The following ABHD5 variants were observed in gnomAD, a reference collection of about 807,000 sequenced individuals.
ABHD5 encodes abhydrolase domain containing 5, lysophosphatidic acid acyltransferase.
Under a neutral mutation model 44.9 loss-of-function variants are expected in ABHD5, and 30 were observed. The ratio of observed to expected loss-of-function variants is 0.67; its 90% CI spans 0.50 to 0.91. ABHD5 has a LOEUF of 0.91. Ranked by LOEUF, ABHD5 falls within the 40% of genes least tolerant of loss-of-function variation. ABHD5 has a pLI of 0.00. For missense variants in ABHD5, 399 were observed against 423.4 expected (o/e 0.94, Z 0.50); for synonymous variants, 167 against 147.0 (o/e 1.14, Z -0.99).
intron 1 of ABHD5, among the ~76,000 whole-genome samples, chr3:43,697,914 G>A (rs1461439517): frequency 1.3e-5 from 2 of 152,186 alleles, no homozygotes; most frequent in African/African-American, 2.4e-5. Flanking sequence ...TAACATTTCT[G>A]AACTTCAGTT....
intron 7 of ABHD5, among the ~76,000 whole-genome samples, chr3:43,730,741 A>G (rs1363818221): frequency 6.6e-6 from 1 of 152,142 alleles, no homozygotes; most frequent in Non-Finnish European, 1.5e-5. Flanking sequence ...TCTTGGGCTC[A>G]ATGATTCTCC....
Position 43,702,319 on chromosome 3 carries a change from C to T in ABHD5, c.238C>T (p.Leu80Phe). Reference protein sequence around the residue: ...HNISNKTPLVLLHGFGGGLGL... With the variant: ...HNISNKTPLVFLHGFGGGLGL... Reference sequence around the variant, plus strand: ...TATTTCAAATAAGACTCCACTTGTCCTTCTCCATGGTTTTGGAGGAGGTCT... The same window carrying T: ...TATTTCAAATAAGACTCCACTTGTCTTTCTCCATGGTTTTGGAGGAGGTCT... Residue 80 changes from leucine (L) to phenylalanine (F), a missense_variant, in exon 3 of 7, where the codon CTT becomes TTT. Leu to Phe is a conservative substitution (Grantham distance 22). Coordinates refer to ENST00000644371, the MANE Select transcript of ABHD5 (RefSeq NM_016006.6). 1.2e-6 allele frequency: 2 copies of T among 1,611,134 alleles called. No homozygotes were observed. Among genetic ancestry groups the T allele is most frequent in the Non-Finnish European group, 1.7e-6 (2 of 1,177,492 alleles).
intron 7 of ABHD5, among the ~76,000 whole-genome samples, chr3:43,732,075 A>T (rs912217581): frequency 6.6e-6 from 1 of 151,982 alleles, no homozygotes; most frequent in African/African-American, 2.4e-5. Flanking sequence ...AGTAAAACAT[A>T]AAAAAAATTA....
At chr3:43,716,482 CT>C (rs2084764383) in intron 5 of ABHD5, among the ~76,000 whole-genome samples, 1 of 152,160 alleles carries the variant, frequency 6.6e-6, no homozygotes, top group Non-Finnish European at 1.5e-5. Flanking sequence ...TCCTCCCTCA[CT>C]TTTGGCAGAA....
chr3:43,696,031 C>G (rs932464347), intron 1 of ABHD5, among the ~76,000 whole-genome samples: 5 of 152,156 alleles, frequency 3.3e-5, no homozygotes, highest in Non-Finnish European at 7.4e-5. Flanking sequence ...GGGCTTATAT[C>G]CTTTGCCTTG....
At chr3:43,691,073 C>T (rs765331652) in intron 1 of ABHD5, 34 bp downstream of exon 1, 1 of 1,515,442 alleles carries the variant, frequency 6.6e-7, no homozygotes, top group Non-Finnish European at 8.9e-7. Flanking sequence ...TCGTGTGTCT[C>T]CGGCGCGCAC....
At chr3:43,730,094 C>G (rs1424174051) in intron 7 of ABHD5, among the ~76,000 whole-genome samples, 1 of 152,222 alleles carries the variant, frequency 6.6e-6, no homozygotes, top group Non-Finnish European at 1.5e-5. Context: ...TTATTGCATG[C>G]TTTGAGCTTT....
chr3:43,699,843 T>C (rs2084518011), intron 2 of ABHD5: 1 of 164,950 alleles, frequency 6.1e-6, no homozygotes, highest in Admixed American at 5.8e-5. Context: ...GCTTTCAGTC[T>C]GATGGGTAAT....
At chr3:43,704,576 T>A (rs561159766) in intron 3 of ABHD5, among the ~76,000 whole-genome samples, 1 of 152,190 alleles carries the variant, frequency 6.6e-6, no homozygotes, top group African/African-American at 2.4e-5. Context: ...AAACCCTAAG[T>A]CTTAGAATCC....
chr3:43,731,363 T>A (rs971893839), intron 7 of ABHD5, among the ~76,000 whole-genome samples: 3 of 152,250 alleles, frequency 2.0e-5, no homozygotes, highest in African/African-American at 7.2e-5. Context: ...TCCAAAGTGC[T>A]AAATTTTTAT....
rs1264522611 is a variant in ABHD5, at chr3:43,691,029, A to G, written c.37A>G (p.Thr13Ala). ...AEEEEVDSAD[T>A]GERSGWLTGW... Reference sequence around the variant, plus strand: ...GGAGGAGGAGGTGGACTCTGCCGACACCGGAGAGAGGTAAGCGCAGCCGGC... The same window carrying G: ...GGAGGAGGAGGTGGACTCTGCCGACGCCGGAGAGAGGTAAGCGCAGCCGGC... The change falls in exon 1 of 7, where the codon ACC becomes GCC. Residue 13 changes from threonine (T) to alanine (A), a missense_variant. Thr to Ala is a moderately conservative substitution (Grantham distance 58). Coordinates refer to ENST00000644371, the MANE Select transcript of ABHD5 (RefSeq NM_016006.6). 1.9e-6 allele frequency: 3 copies of G among 1,561,050 alleles called. No individual in the cohort carries two copies. Among genetic ancestry groups the G allele is most frequent in the African/African-American group, 1.4e-5 (1 of 70,320 alleles).
At position 43,730,540 on chromosome 3, in the gene ABHD5, CT is replaced by C. The variant is rs1396459586; in HGVS notation, c.*30-3339del. Reference sequence around the variant, plus strand: ...TTTTTTTTTGAGACGGGATCTTCCCCTGTCTCCGAGGCTGGAATACGGTGGT... The same window carrying C: ...TTTTTTTTTGAGACGGGATCTTCCCCGTCTCCGAGGCTGGAATACGGTGGT... On this transcript the variant is annotated intron_variant, in intron 7 of 7. Coordinates refer to the ABHD5 transcript ENST00000454293. Among the ~76,000 whole-genome samples the C allele has an allele frequency of 7.2e-5, 9 of 125,626 alleles. No homozygotes were observed. The East Asian group carries it at 1.4e-3, about 20-fold the overall frequency. The allele number at this position is 125,626 out of a possible 152,430, so 82.4% of individuals were successfully genotyped here. A position where few individuals can be genotyped will look rare whatever the true frequency, so the allele number is the denominator to read the frequency against.
At chr3:43,734,154 G>A (rs1697296287) in exon 8 of ABHD5, 2 of 152,266 alleles carry the variant, frequency 1.3e-5, no homozygotes, top group African/African-American at 4.8e-5. Context: ...TCCCCTAGTG[G>A]CTTATAGCTG....
Position 43,721,252 on chromosome 3 carries a change from A to T in ABHD5, c.*2720A>T, listed in dbSNP as rs2084832540. 2 of 152,176 alleles carry T rather than the reference A, an allele frequency of 1.3e-5. No individual in the cohort carries two copies. The highest frequency in any genetic ancestry group is 4.1e-4 in the South Asian group (2 of 4,834). 9.4% of individuals were successfully genotyped at this position (152,176 alleles called of 1,614,324 possible). On this transcript the variant is annotated 3_prime_UTR_variant, in exon 7 of 7. Transcript: ENST00000644371. ...GGTTAACCATTTGGAAAAAAAAATA[A>T]AATTGAATCGATTTCTCACAGGATA...
At position 43,718,694 on chromosome 3, in the gene ABHD5, C is replaced by A; in HGVS notation, c.*162C>A. The A allele has an allele frequency of 1.5e-6, 1 of 682,072 alleles. No homozygotes were observed. The highest frequency in any genetic ancestry group is 2.7e-6 in the Non-Finnish European group (1 of 376,188). The allele number at this position is 682,072 out of a possible 1,614,324, so 42.3% of individuals were successfully genotyped here. On this transcript the variant is annotated 3_prime_UTR_variant, in exon 7 of 7. Coordinates refer to ENST00000644371, the MANE Select transcript of ABHD5 (RefSeq NM_016006.6). ...TAGGAATTCACTCACACATTTAAAC[C>A]AGTTAGTGCCTTCTAGAAGAATGGC...
downstream of ABHD5, among the ~76,000 whole-genome samples, chr3:43,724,097 ACGGT>A (rs1354165373): frequency 1.3e-5 from 2 of 152,158 alleles, no homozygotes; most frequent in Non-Finnish European, 2.9e-5. Context: ...GGGCTTATGT[ACGGT>A]CTATGCTATT....
chr3:43,712,323 A>G (rs995623265), intron 4 of ABHD5, among the ~76,000 whole-genome samples: 2 of 152,138 alleles, frequency 1.3e-5, no homozygotes, highest in Non-Finnish European at 2.9e-5. Flanking sequence ...GTACCACCAC[A>G]CTCACAGATT....
At chr3:43,732,304 C>CCTGTAATTCCAGCT (rs1697249942) in intron 7 of ABHD5, among the ~76,000 whole-genome samples, 1 of 152,022 alleles carries the variant, frequency 6.6e-6, no homozygotes, top group East Asian at 1.9e-4. Context: ...GTGGCACGTG[C>CCTGTAATTCCAGCT]CTGTAATTCC....
rs1028242424 is a variant in ABHD5, at chr3:43,722,120, A to G, written c.*3588A>G. On this transcript the variant is annotated 3_prime_UTR_variant, in exon 7 of 7. Coordinates refer to ENST00000644371, the MANE Select transcript of ABHD5 (RefSeq NM_016006.6). ...TGCACTTGCAAGAATATGAAATAGT[A>G]TATGCACAAAGATCTTGATTACAGC... is the stretch of plus-strand genomic sequence containing the variant. 6.6e-6 allele frequency: 1 copy of G among 152,240 alleles called. No homozygotes were observed. The highest frequency in any genetic ancestry group is 1.5e-5 in the Non-Finnish European group (1 of 68,030). 9.4% of individuals were successfully genotyped at this position (152,240 alleles called of 1,614,324 possible).
Sources: gnomAD v4.1 joint callset for allele counts (sites outside exome capture counted in the v4.1 genomes callset) on GRCh38, gnomAD v4.1.1 for gene constraint, MANE v1.5 for transcripts, NCBI Gene and HGNC (gene_info 2026-07-23, HGNC 2026-07-21) for gene names.